GNAO1: variants seen among roughly 807,000 people sequenced by gnomAD.
GNAO1 encodes guanine nucleotide-binding protein G(o) subunit alpha.
For missense variants in GNAO1, 166 were observed against 478.7 expected (o/e 0.35, Z 6.10); for synonymous variants, 164 against 180.7 (o/e 0.91, Z 0.74).
rs561823758 is a variant in GNAO1 at position 56,337,677 on chromosome 16, AGTGGGGTGG to A, written c.723+821_723+829del. Among the ~76,000 whole-genome samples, 599 of 152,330 alleles carry A rather than the reference AGTGGGGTGG, an allele frequency of 3.9e-3. 3 individuals carry two copies. The highest frequency in any genetic ancestry group is 0.014 in the African/African-American group (564 of 41,574). ...TACCTGCCTGTGGGGGGCTGTTGGC[AGTGGGGTGG>A]GTGATGCGTGTGCAGCGCTCTGGAG... On this transcript the variant is annotated intron_variant, in intron 6 of 8. Transcript: ENST00000262493.
intron 6 of GNAO1, chr16:56,344,489 C>T (rs147641303): frequency 3.6e-5 from 36 of 989,778 alleles, no homozygotes; most frequent in South Asian, 2.3e-4. Flanking sequence ...CGATGGCCTC[C>T]GTCTCCCTGC....
chr16:56,206,210 C>T (rs1327197336), intron 2 of GNAO1, among the ~76,000 whole-genome samples: 1 of 151,604 alleles, frequency 6.6e-6, no homozygotes, highest in African/African-American at 2.4e-5. Context: ...GTCACAGCTA[C>T]TCGGGAGGCT....
chr16:56,266,945 C>T (rs945827259), intron 2 of GNAO1, among the ~76,000 whole-genome samples: 3 of 152,148 alleles, frequency 2.0e-5, no homozygotes, highest in Non-Finnish European at 4.4e-5. Context: ...GAAAGCCCTC[C>T]CAGTCCCCAG....
chr16:56,254,888 A>G (rs2036832452), intron 2 of GNAO1, among the ~76,000 whole-genome samples: 2 of 152,180 alleles, frequency 1.3e-5, no homozygotes, highest in African/African-American at 4.8e-5. Flanking sequence ...ATAATTAAAC[A>G]CATATTGCTT....
intron 2 of GNAO1, among the ~76,000 whole-genome samples, chr16:56,240,566 G>A (rs1316680846): frequency 1.3e-5 from 2 of 152,134 alleles, no homozygotes; most frequent in African/African-American, 4.8e-5. Flanking sequence ...TTCTTCTCTT[G>A]TCTTGAACTT....
intron 6 of GNAO1, chr16:56,348,307 C>A: frequency 4.7e-6 from 2 of 422,256 alleles, no homozygotes; most frequent in Non-Finnish European, 6.3e-6. Context: ...TGCTGGCAGC[C>A]TGGCAGAGTG....
chr16:56,236,929 A>G (rs945484068), intron 2 of GNAO1, among the ~76,000 whole-genome samples: 1 of 152,226 alleles, frequency 6.6e-6, no homozygotes, highest in East Asian at 1.9e-4. Context: ...ATCTGTGTCT[A>G]GCTTCATCAC....
chr16:56,195,171 G>C (rs1358036264), intron 2 of GNAO1, among the ~76,000 whole-genome samples: 2 of 143,522 alleles, frequency 1.4e-5, no homozygotes, highest in African/African-American at 2.6e-5. Context: ...TTTTTTTAAA[G>C]CACAATACAC....
intron 3 of GNAO1, among the ~76,000 whole-genome samples, chr16:56,312,559 C>A (rs1451180911): frequency 2.0e-5 from 3 of 152,260 alleles, no homozygotes; most frequent in African/African-American, 7.2e-5. Context: ...CCAGAGGTCC[C>A]TCCTCGACCC....
At chr16:56,197,002 G>A (rs931340691) in intron 2 of GNAO1, among the ~76,000 whole-genome samples, 32 of 152,156 alleles carry the variant, frequency 2.1e-4, no homozygotes, top group Admixed American at 5.9e-4. Flanking sequence ...TGTAATTAGG[G>A]TATCTACTGT....
chr16:56,276,298 G>A (rs746831543), intron 3 of GNAO1: 59 of 406,666 alleles, frequency 1.5e-4, no homozygotes, highest in Non-Finnish European at 2.2e-4. Flanking sequence ...CAAAACTCCC[G>A]GATTTATTTT....
At chr16:56,290,955 G>A (rs1010909698) in intron 3 of GNAO1, among the ~76,000 whole-genome samples, 17 of 152,256 alleles carry the variant, frequency 1.1e-4, no homozygotes, top group South Asian at 4.1e-4. Flanking sequence ...AGGTTTTTCC[G>A]TGTTGTAGCT....
At chr16:56,309,577 C>T (rs1436415691) in intron 3 of GNAO1, among the ~76,000 whole-genome samples, 1 of 152,240 alleles carries the variant, frequency 6.6e-6, no homozygotes, top group African/African-American at 2.4e-5. Context: ...AGTGGCATGA[C>T]CAGATCACTG....
chr16:56,340,556 G>A (rs1334971746), intron 6 of GNAO1: 3 of 328,540 alleles, frequency 9.1e-6, no homozygotes, highest in East Asian at 4.0e-5. Context: ...TGACCTCACT[G>A]CCCCCACCTG....
In GNAO1 at chr16:56,351,494, G is replaced by A. The variant is rs769373113; in HGVS notation, c.834G>A (p.Lys278=). The A allele has an allele frequency of 1.2e-6, 2 of 1,613,472 alleles. No individual in the cohort carries two copies. The highest frequency in any genetic ancestry group is 4.5e-5 in the East Asian group (2 of 44,876). The part of the protein sequence containing the change: ...FLNKKDLFGE[K]IKKSPLTICF... ...ACAAGAAAGATCTCTTTGGCGAGAA[G>A]ATCAAGAAGTCACCTTTGACCATCT... is the stretch of plus-strand genomic sequence containing the variant. Residue 278 remains lysine, a synonymous_variant, in exon 7 of 9, where the codon AAG becomes AAA. Transcript: ENST00000262493. The surrounding 1 kb of genome is among the most constrained non-coding windows in gnomAD (Gnocchi z 6.1).
chr16:56,343,741 A>G, intron 6 of GNAO1: 5 of 1,601,620 alleles, frequency 3.1e-6, no homozygotes, highest in Non-Finnish European at 4.3e-6. Flanking sequence ...GCCTCACCAC[A>G]CCTTGCCTGT....
intron 3 of GNAO1, among the ~76,000 whole-genome samples, chr16:56,304,686 G>A (rs1367401854): frequency 6.6e-6 from 1 of 152,124 alleles, no homozygotes; most frequent in Non-Finnish European, 1.5e-5. Context: ...TAACTTCTTA[G>A]GAGGAATATT....
At chr16:56,344,918 G>A (rs905617863) in intron 6 of GNAO1, 5 of 985,054 alleles carry the variant, frequency 5.1e-6, no homozygotes, top group African/African-American at 3.5e-5. Flanking sequence ...CAGTGCCTCC[G>A]CCTCACCGTC....
chr16:56,332,412 C>G (rs752284099), intron 4 of GNAO1, among the ~76,000 whole-genome samples: 1 of 152,310 alleles, frequency 6.6e-6, no homozygotes, highest in African/African-American at 2.4e-5. Flanking sequence ...CCTATCCAGA[C>G]GCCTTCCCCA....
Sources: gnomAD v4.1 joint callset for allele counts (sites outside exome capture counted in the v4.1 genomes callset) on GRCh38, gnomAD v4.1.1 for gene constraint, Gnocchi (gnomAD v3.1) non-coding constraint, MANE v1.5 for transcripts, NCBI Gene and HGNC (gene_info 2026-07-23, HGNC 2026-07-21) for gene names.